COL12A1: variants seen among roughly 807,000 people sequenced by gnomAD.
The protein encoded by COL12A1 is collagen type XII alpha 1 chain.
COL12A1 carries 114 observed loss-of-function variants against 349.7 expected under a neutral mutation model. The ratio of observed to expected loss-of-function variants is 0.33; its 90% CI spans 0.28 to 0.38. COL12A1 has a LOEUF of 0.38. Among genes scored for constraint, COL12A1 ranks in the 10% least tolerant of loss-of-function variants. The pLI is 1.00. For synonymous variants in COL12A1, 1,369 were observed against 1,329.0 expected, an observed-to-expected ratio of 1.03 and a Z score of -0.66; for missense variants, 3,284 against 3,756.9, an observed-to-expected ratio of 0.87 and a Z score of 3.29.
Position 75,143,144 on chromosome 6 carries a change from A to G in COL12A1, c.4827+108T>C, listed in dbSNP as rs757739980. ...CACAAGTTTTCAACACTGTGTTAACAAAGTGACAAGTATTCAAAACATGCT... is the reference window on the plus strand; with the variant it reads ...CACAAGTTTTCAACACTGTGTTAACGAAGTGACAAGTATTCAAAACATGCT... On this transcript the variant is annotated intron_variant, in intron 26 of 65. Coordinates refer to ENST00000322507, the MANE Select transcript of COL12A1 (RefSeq NM_004370.6). The G allele has an allele frequency of 2.7e-4, 349 of 1,302,286 alleles. 1 individual carries two copies. The highest frequency in any genetic ancestry group is 3.2e-4 in the Non-Finnish European group (295 of 936,120). The allele number at this position is 1,302,286 out of a possible 1,614,324, so 80.7% of individuals were successfully genotyped here. A position where few individuals can be genotyped will look rare whatever the true frequency, so the allele number is the denominator to read the frequency against.
chr6:75,194,151 A>C (rs1450834319), intron 3 of COL12A1, among the ~76,000 whole-genome samples: 1 of 152,180 alleles, frequency 6.6e-6, no homozygotes, highest in Non-Finnish European at 1.5e-5. Flanking sequence ...AGGAATCGCC[A>C]CACTGTCTTC....
chr6:75,126,063 A>T (rs1765998150), intron 39 of COL12A1, among the ~76,000 whole-genome samples: 1 of 152,152 alleles, frequency 6.6e-6, no homozygotes, highest in Non-Finnish European at 1.5e-5. Context: ...TTTCATGATC[A>T]TATAGGATGT....
chr6:75,197,487 T>C (rs1770293416), intron 2 of COL12A1, among the ~76,000 whole-genome samples: 1 of 151,990 alleles, frequency 6.6e-6, no homozygotes, highest in South Asian at 2.1e-4. Flanking sequence ...TAATTTTGTA[T>C]TTTTAGTAGA....
At chr6:75,142,298 G>A in intron 26 of COL12A1, 137 bp from the exon 27 acceptor site, 1 of 1,000,626 alleles carries the variant, frequency 1.0e-6, no homozygotes. Flanking sequence ...ATATACATGA[G>A]AATCCAGAAA....
rs116489011 is a variant in COL12A1, at chr6:75,106,725, C to A, written c.8101-229G>T. Among the ~76,000 whole-genome samples, 1,994 of 152,182 alleles carry A rather than the reference C, an allele frequency of 0.013. 35 individuals are homozygous for A. Among genetic ancestry groups the A allele is most frequent in the African/African-American group, 0.045 (1,876 of 41,544 alleles). On this transcript the variant is annotated intron_variant, in intron 52 of 65. Coordinates refer to ENST00000322507, the MANE Select transcript of COL12A1 (RefSeq NM_004370.6). ...TGAGATTCCCACTCCTGATTCACTT[C>A]TTTGGCCAAAATGCATGTTTGAACA...
intron 13 of COL12A1, among the ~76,000 whole-genome samples, chr6:75,168,304 T>G (rs1483564815): frequency 6.6e-6 from 1 of 152,250 alleles, no homozygotes; most frequent in Non-Finnish European, 1.5e-5. Flanking sequence ...TAAGTTGTAC[T>G]CATGACAAGT....
At chr6:75,188,830 C>T (rs565805539) in intron 7 of COL12A1, among the ~76,000 whole-genome samples, 1 of 152,214 alleles carries the variant, frequency 6.6e-6, no homozygotes, top group East Asian at 1.9e-4. Flanking sequence ...AAAGATAATA[C>T]TTTTTTCTTC....
At position 75,103,741 on chromosome 6, in the gene COL12A1, T is replaced by A; in HGVS notation, c.8319+16A>T. The A allele has an allele frequency of 6.2e-7, 1 of 1,609,172 alleles. No homozygotes were observed. ...CATATAGATAAGAATTTAAATGCACTCTAAAATATACTTACAATTGCCCCA... is the reference window on the plus strand; with the variant it reads ...CATATAGATAAGAATTTAAATGCACACTAAAATATACTTACAATTGCCCCA... On this transcript the variant is annotated intron_variant, in intron 55 of 65. Transcript: ENST00000322507.
intron 64 of COL12A1, among the ~76,000 whole-genome samples, chr6:75,088,233 CT>C (rs200634479): frequency 0.016 from 2,409 of 152,174 alleles, 59 homozygotes; most frequent in African/African-American, 0.054. Flanking sequence ...TATCATGTGC[CT>C]TATAATGAAA....
At chr6:75,132,966 T>C (rs553586375) in intron 34 of COL12A1, among the ~76,000 whole-genome samples, 2 of 152,318 alleles carry the variant, frequency 1.3e-5, no homozygotes, top group Admixed American at 1.3e-4. Flanking sequence ...GAAAGCCAAT[T>C]GTAAAGTCCT....
chr6:75,128,281 G>A lies in COL12A1; in HGVS notation c.6340+15C>T, dbSNP rs777829584. ...TTTCAAAGCAAAAATAAAAGGGGGA[G>A]TACAAAACACTTACCAGTTCTTCCA... is the stretch of plus-strand genomic sequence containing the variant. On this transcript the variant is annotated intron_variant, in intron 38 of 65. Coordinates refer to ENST00000322507, the MANE Select transcript of COL12A1 (RefSeq NM_004370.6). 1.3e-6 allele frequency: 2 copies of A among 1,579,730 alleles called. No individual in the cohort carries two copies. The highest frequency in any genetic ancestry group is 1.2e-5 in the South Asian group (1 of 83,406).
intron 20 of COL12A1, 33 bp downstream of exon 20, chr6:75,151,834 C>G (rs1484855478): frequency 1.9e-6 from 3 of 1,603,128 alleles, no homozygotes; most frequent in Non-Finnish European, 2.6e-6. Context: ...CATTTGTAAC[C>G]CCAGGGGCAT....
chr6:75,088,448 T>C (rs1343877931), intron 64 of COL12A1, among the ~76,000 whole-genome samples: 1 of 142,792 alleles, frequency 7.0e-6, no homozygotes, highest in Non-Finnish European at 1.5e-5. Flanking sequence ...ATCTTTAAAG[T>C]CTATGAGGCC....
At chr6:75,205,356 T>C (rs1023486348) in intron 1 of COL12A1, among the ~76,000 whole-genome samples, 2 of 151,260 alleles carry the variant, frequency 1.3e-5, no homozygotes, top group Non-Finnish European at 2.9e-5. Context: ...TTCCGCACCG[T>C]GCGTCACCAA....
intron 14 of COL12A1, among the ~76,000 whole-genome samples, chr6:75,158,914 G>T (rs1018949029): frequency 6.6e-6 from 1 of 151,880 alleles, no homozygotes; most frequent in Non-Finnish European, 1.5e-5. Context: ...GTAATTAATT[G>T]GAGTACCTGA....
At position 75,146,263 on chromosome 6, in the gene COL12A1, A is replaced by T; in HGVS notation, c.4418-19T>A. On this transcript the variant is annotated intron_variant, in intron 23 of 65. Transcript: ENST00000322507. ...ACTGGCACTTCCAAAACAGAAAAGCAGACCATCAGTCTAGTTCCTTTCATT... is the reference window on the plus strand; with the variant it reads ...ACTGGCACTTCCAAAACAGAAAAGCTGACCATCAGTCTAGTTCCTTTCATT... The T allele has an allele frequency of 6.3e-7, 1 of 1,583,238 alleles. No individual in the cohort carries two copies. The highest frequency in any genetic ancestry group is 1.2e-5 in the South Asian group (1 of 84,696).
chr6:75,087,708 G>A lies in COL12A1; in HGVS notation c.9050C>T (p.Thr3017Ile), dbSNP rs1767573014. 12 of 1,606,112 alleles carry A rather than the reference G, an allele frequency of 7.5e-6. No homozygotes were observed. The highest frequency in any genetic ancestry group is 1.0e-5 in the Non-Finnish European group (12 of 1,177,784). ...GESRTGPPGSTGSRGPPGPPG... is the reference protein window; with the variant it reads ...GESRTGPPGSIGSRGPPGPPG... ...GGGGCCAGGGGGACCTCTTGAACCT[G>A]TGGACCCTGGTGGACCTGTTCTGGA... The change falls in exon 65 of 66, where the codon ACA becomes ATA. Residue 3017 changes from threonine to isoleucine, a missense_variant. By Grantham distance (89) the Thr-to-Ile change is moderately conservative. This residue lies in a region of COL12A1 where 683 missense variants were observed against 932.1 expected (regional missense o/e 0.73). Transcript: ENST00000322507.
chr6:75,093,119 C>A (rs1767852661), intron 60 of COL12A1, among the ~76,000 whole-genome samples: 1 of 152,164 alleles, frequency 6.6e-6, no homozygotes, highest in Non-Finnish European at 1.5e-5. Context: ...TTCTCTAACC[C>A]CTTACTCTGT....
At position 75,181,050 on chromosome 6, in the gene COL12A1, T is replaced by C. The variant is rs747774569; in HGVS notation, c.2053A>G (p.Ser685Gly). The change falls in exon 11 of 66, where the codon AGT becomes GGT. Residue 685 changes from serine (S) to glycine (G), a missense_variant. Around this residue, in one of 2 missense-constraint regions of COL12A1, gnomAD observed 2,601 missense variants for 2,824.8 expected, o/e 0.92. Transcript: ENST00000322507. ...VTVVEPASST[S>G]VVLSSLKPET... is the part of the protein sequence containing the mutation. ...GGCTTCAGGCTGCTGAGAACAACAC[T>C]GGTGCTCGATGCTGGCTCCACCACA... is the stretch of plus-strand genomic sequence containing the variant. 5.6e-6 allele frequency: 9 copies of C among 1,613,938 alleles called. No homozygotes were observed. In the East Asian group the frequency reaches 1.8e-4, roughly 32 times the overall value.
Sources: allele counts gnomAD v4.1 joint callset (sites outside exome capture counted in the v4.1 genomes callset), GRCh38; gene constraint gnomAD v4.1.1; regional missense constraint gnomAD v4.1.1; transcripts MANE v1.5; gene names NCBI Gene and HGNC (gene_info 2026-07-23, HGNC 2026-07-21).